CNBD1: variants seen among roughly 807,000 people sequenced by gnomAD.
CNBD1 encodes the protein cyclic nucleotide binding domain containing 1.
Under a neutral mutation model 54.4 loss-of-function variants are expected in CNBD1, and 71 were observed. The observed-to-expected ratio is 1.30, with a 90% CI of 1.08 to 1.59. The LOEUF is 1.59. CNBD1 is among the 40% of genes most tolerant of loss of function. The probability of loss-of-function intolerance (pLI) is 0.00; values close to 1 mark genes in which losing one functional copy is unlikely to be tolerated. For synonymous variants in CNBD1, 182 were observed against 170.7 expected (o/e 1.07, Z -0.51); for missense variants, 659 against 518.0 (o/e 1.27, Z -2.64).
At chr8:87,423,707 T>C (rs1304879683) in intron 2 of CNBD1, among the ~76,000 whole-genome samples, 1 of 151,014 alleles carries the variant, frequency 6.6e-6, no homozygotes, top group African/African-American at 2.5e-5. Context: ...TTTGCATCAA[T>C]GTTCATCAAG....
intron 8 of CNBD1, among the ~76,000 whole-genome samples, chr8:87,310,208 T>A (rs2130889981): frequency 6.6e-6 from 1 of 152,000 alleles, no homozygotes; most frequent in Admixed American, 6.6e-5. Context: ...GTTTAAAAAA[T>A]TAGCTTGGTG....
At chr8:87,000,893 G>A (rs564874907) in intron 4 of CNBD1, among the ~76,000 whole-genome samples, 1 of 152,130 alleles carries the variant, frequency 6.6e-6, no homozygotes, top group African/African-American at 2.4e-5. Context: ...AGTAGACTAG[G>A]TCTCAATATT....
intron 4 of CNBD1, among the ~76,000 whole-genome samples, chr8:86,940,954 G>A (rs1809644660): frequency 6.6e-6 from 1 of 152,110 alleles, no homozygotes; most frequent in Admixed American, 6.5e-5. Flanking sequence ...AGCTGGCCTA[G>A]GTGTGTAGTA....
chr8:86,878,655 T>C (rs1482470704), intron 1 of CNBD1, among the ~76,000 whole-genome samples: 1 of 152,072 alleles, frequency 6.6e-6, no homozygotes, highest in Non-Finnish European at 1.5e-5. Context: ...TTCAAGGATA[T>C]CCCCTTAGTC....
chr8:87,242,518 G>A (rs1316451724), intron 6 of CNBD1, among the ~76,000 whole-genome samples: 1 of 152,082 alleles, frequency 6.6e-6, no homozygotes, highest in Non-Finnish European at 1.5e-5. Flanking sequence ...TTAGATAATA[G>A]CTTAACTCTT....
intron 4 of CNBD1, among the ~76,000 whole-genome samples, chr8:87,138,410 A>T (rs1280002804): frequency 6.6e-6 from 1 of 152,160 alleles, no homozygotes; most frequent in Non-Finnish European, 1.5e-5. Flanking sequence ...TTCCTGTCAA[A>T]GATCCTTGTC....
At chr8:87,351,942 GT>G in intron 9 of CNBD1, 148 bp downstream of exon 9, 1 of 780,332 alleles carries the variant, frequency 1.3e-6, no homozygotes, top group Non-Finnish European at 1.8e-6. Context: ...TTTGTTTTTG[GT>G]TTAGTTATAA....
intron 1 of CNBD1, among the ~76,000 whole-genome samples, chr8:86,882,412 T>C (rs1026363294): frequency 6.6e-6 from 1 of 152,040 alleles, no homozygotes; most frequent in Non-Finnish European, 1.5e-5. Context: ...CCAACAATCA[T>C]ATGGAAAAAA....
intron 2 of CNBD1, among the ~76,000 whole-genome samples, chr8:86,903,612 G>T (rs1808971836): frequency 6.6e-6 from 1 of 151,994 alleles, no homozygotes; most frequent in African/African-American, 2.4e-5. Context: ...AGTCAATTTA[G>T]TTTTCATTTG....
chr8:86,958,810 A>G (rs551506915), intron 4 of CNBD1, among the ~76,000 whole-genome samples: 12 of 152,094 alleles, frequency 7.9e-5, no homozygotes, highest in Non-Finnish European at 8.8e-5. Flanking sequence ...TTTTATTTGG[A>G]GCATTTAGCC....
intron 4 of CNBD1, among the ~76,000 whole-genome samples, chr8:87,034,225 AC>A (rs1809857327): frequency 6.6e-6 from 1 of 152,196 alleles, no homozygotes; most frequent in African/African-American, 2.4e-5. Context: ...TAATAATTTG[AC>A]TTTTCTCTGC....
chr8:87,294,053 C>T (rs944953222), intron 8 of CNBD1, among the ~76,000 whole-genome samples: 1 of 151,856 alleles, frequency 6.6e-6, no homozygotes, highest in African/African-American at 2.4e-5. Flanking sequence ...CAGAAGAGAC[C>T]TGAAAAAGTC....
At chr8:87,040,595 T>C (rs549053908) in intron 4 of CNBD1, among the ~76,000 whole-genome samples, 2 of 151,774 alleles carry the variant, frequency 1.3e-5, no homozygotes, top group Admixed American at 1.3e-4. Flanking sequence ...GGATAATTTT[T>C]TTGTATTTTT....
chr8:86,989,955 T>A (rs1014197550), intron 4 of CNBD1, among the ~76,000 whole-genome samples: 1 of 152,236 alleles, frequency 6.6e-6, no homozygotes, highest in Non-Finnish European at 1.5e-5. Context: ...ACCAATCATG[T>A]TGAGCATTTT....
At chr8:87,318,483 C>T (rs748715803) in intron 8 of CNBD1, among the ~76,000 whole-genome samples, 1 of 152,034 alleles carries the variant, frequency 6.6e-6, no homozygotes, top group Non-Finnish European at 1.5e-5. Flanking sequence ...CTGTCCAATA[C>T]ACCATACGTT....
chr8:86,993,616 A>C (rs1808800961), intron 4 of CNBD1, among the ~76,000 whole-genome samples: 1 of 151,990 alleles, frequency 6.6e-6, no homozygotes, highest in Non-Finnish European at 1.5e-5. Context: ...ATTTGAGTAG[A>C]CTCAATTGCT....
At chr8:87,260,527 A>G (rs903846065) in intron 6 of CNBD1, among the ~76,000 whole-genome samples, 1 of 152,162 alleles carries the variant, frequency 6.6e-6, no homozygotes, top group Non-Finnish European at 1.5e-5. Flanking sequence ...TGCATTAATC[A>G]AAACTTTACA....
In CNBD1 at chr8:87,211,840, T is replaced by A. The variant is rs114960740; in HGVS notation, c.577+5702T>A. Among the ~76,000 whole-genome samples the A allele has an allele frequency of 2.8e-3, 430 of 152,314 alleles. 1 individual carries two copies. Among genetic ancestry groups the A allele is most frequent in the African/African-American group, 9.2e-3 (382 of 41,574 alleles). On this transcript the variant is annotated intron_variant, in intron 5 of 10. Coordinates refer to ENST00000518476, the MANE Select transcript of CNBD1 (RefSeq NM_173538.3). ...AGCAATGCATGAATGACCTAACACA[T>A]GCTATATTATAGAAACTCATATAAC...
intron 10 of CNBD1, among the ~76,000 whole-genome samples, chr8:87,362,732 G>A (rs192884294): frequency 3.9e-5 from 6 of 152,026 alleles, no homozygotes; most frequent in Admixed American, 2.0e-4. Flanking sequence ...GTGAGTCCAC[G>A]CTTAACATTA....
Sources: allele counts gnomAD v4.1 joint callset (sites outside exome capture counted in the v4.1 genomes callset), GRCh38; gene constraint gnomAD v4.1.1; transcripts MANE v1.5; gene names NCBI Gene and HGNC (gene_info 2026-07-23, HGNC 2026-07-21).